Variants in SYNE1 observed in about 807,000 individuals in gnomAD.
SYNE1 encodes the protein spectrin repeat containing nuclear envelope protein 1.
Under a neutral mutation model 1,111.0 loss-of-function variants are expected in SYNE1, and 616 were observed. That is an observed-to-expected ratio of 0.55 (90% CI 0.52 to 0.59). The LOEUF (loss-of-function observed/expected upper bound fraction) is 0.59. Among genes scored for constraint, SYNE1 ranks in the 20% least tolerant of loss-of-function variants. The pLI, the probability that SYNE1 is intolerant of heterozygous loss-of-function variation, is 0.00. For missense variants in SYNE1, 10,006 were observed against 10,417.0 expected (o/e 0.96, Z 1.72); for synonymous variants, 3,855 against 3,825.8 (o/e 1.01, Z -0.28).
chr6:152,323,960 C>T (rs528659437), intron 81 of SYNE1, among the ~76,000 whole-genome samples: 2 of 152,020 alleles, frequency 1.3e-5, no homozygotes, highest in Admixed American at 1.3e-4. Context: ...AATATTAGGA[C>T]AATCAGAGAC....
intron 78 of SYNE1, among the ~76,000 whole-genome samples, chr6:152,327,397 C>T (rs1261169281): frequency 5.9e-5 from 9 of 151,914 alleles, no homozygotes; most frequent in African/African-American, 1.2e-4. Context: ...TTTCTGGAAG[C>T]GAAATAGTAA....
Position 152,331,595 on chromosome 6 carries a change from G to C in SYNE1, c.13090C>G (p.Gln4364Glu), listed in dbSNP as rs754220682. Reference protein sequence around the residue: ...QELMEWAEEQQPNIAEALKQS... With the variant: ...QELMEWAEEQEPNIAEALKQS... ...TTAAGGGCCTCGGCGATGTTGGGTTGTTGCTCTTCTGCCCACTCCATTAGC... is the reference window on the plus strand; with the variant it reads ...TTAAGGGCCTCGGCGATGTTGGGTTCTTGCTCTTCTGCCCACTCCATTAGC... Residue 4364 changes from glutamine to glutamate, a missense_variant, in exon 78 of 146, where the codon CAA (glutamine) becomes GAA (glutamate). Physicochemically the swap from Gln to Glu is conservative, Grantham distance 29 (BLOSUM62 2). Around this residue, in one of 7 missense-constraint regions of SYNE1, gnomAD observed 4,955 missense variants for 5,017.2 expected, o/e 0.99. Transcript: ENST00000367255. The C allele has an allele frequency of 6.2e-6, 10 of 1,614,160 alleles. No individual in the cohort carries two copies. Among genetic ancestry groups the C allele is most frequent in the Non-Finnish European group, 8.5e-6 (10 of 1,180,026 alleles).
At position 152,323,753 on chromosome 6, in the gene SYNE1, C is replaced by T. The variant is rs762269415; in HGVS notation, c.15658-16G>A. ...CCTTTTTAACCTGATGACAAATGTA[C>T]ATACTATGAAGTTCAATAATAAATA... is the stretch of plus-strand genomic sequence containing the variant. On this transcript the variant is annotated splice_polypyrimidine_tract_variant and intron_variant, in intron 81 of 145. Coordinates refer to ENST00000367255, the MANE Select transcript of SYNE1 (RefSeq NM_182961.4). 52 of 1,613,726 alleles carry T rather than the reference C, an allele frequency of 3.2e-5. No individual in the cohort carries two copies. Among genetic ancestry groups the T allele is most frequent in the Non-Finnish European group, 4.0e-5 (47 of 1,179,892 alleles).
intron 75 of SYNE1, 118 bp from the exon 76 acceptor site, chr6:152,337,135 G>C: frequency 1.1e-6 from 1 of 908,240 alleles, no homozygotes. Flanking sequence ...ACATACACAC[G>C]CAAACTCACA....
At chr6:152,424,681 A>G (rs1346688292) in intron 39 of SYNE1, among the ~76,000 whole-genome samples, 5 of 152,246 alleles carry the variant, frequency 3.3e-5, no homozygotes, top group Non-Finnish European at 4.4e-5. Context: ...TAAATAATAG[A>G]ATAAATATAA....
intron 3 of SYNE1, among the ~76,000 whole-genome samples, chr6:152,613,450 A>G (rs9371618): frequency 0.079 from 12,025 of 152,244 alleles, 803 homozygotes; most frequent in African/African-American, 0.17. Flanking sequence ...AAGGGATGTG[A>G]AGGACGTCTT....
intron 127 of SYNE1, among the ~76,000 whole-genome samples, chr6:152,195,379 A>C (rs1451971938): frequency 6.6e-6 from 1 of 152,192 alleles, no homozygotes; most frequent in Non-Finnish European, 1.5e-5. Flanking sequence ...TTCGTATTGA[A>C]GAATTAGGTA....
At chr6:152,373,893 C>T (rs2097232496) in intron 58 of SYNE1, among the ~76,000 whole-genome samples, 1 of 152,132 alleles carries the variant, frequency 6.6e-6, no homozygotes, top group Admixed American at 6.5e-5. Flanking sequence ...GATTTTGGCT[C>T]TGAGGATCCT....
intron 83 of SYNE1, 41 bp from the exon 84 acceptor site, chr6:152,321,431 TA>T: frequency 6.2e-7 from 1 of 1,608,952 alleles, no homozygotes; most frequent in East Asian, 2.2e-5. Flanking sequence ...GGGAACCTTC[TA>T]AGGGGACTGT....
intron 39 of SYNE1, among the ~76,000 whole-genome samples, chr6:152,421,516 A>T (rs1004696089): frequency 1.7e-4 from 26 of 151,928 alleles, no homozygotes; most frequent in South Asian, 1.5e-3. Flanking sequence ...ATTATGTTTT[A>T]AAAAAAACTA....
chr6:152,188,566 G>A (rs1460468228), intron 128 of SYNE1, among the ~76,000 whole-genome samples: 1 of 152,162 alleles, frequency 6.6e-6, no homozygotes, highest in Admixed American at 6.5e-5. Context: ...CACAGTATTA[G>A]CTAATGTTGC....
chr6:152,225,584 G>T, intron 116 of SYNE1, 137 bp downstream of exon 116: 1 of 1,003,806 alleles, frequency 1.0e-6, no homozygotes, highest in Non-Finnish European at 1.5e-6. Flanking sequence ...AGAGGATAAC[G>T]AAGTGGACTT....
chr6:152,207,084 G>A (rs1244990344), intron 125 of SYNE1, among the ~76,000 whole-genome samples: 2 of 152,164 alleles, frequency 1.3e-5, no homozygotes, highest in Non-Finnish European at 2.9e-5. Context: ...GCAAGAAATC[G>A]CGAGCACCTA....
intron 24 of SYNE1, 95 bp from the exon 25 acceptor site, chr6:152,453,815 G>T: frequency 2.0e-6 from 3 of 1,497,736 alleles, no homozygotes; most frequent in South Asian, 1.1e-5. Context: ...AAGCCTCTCA[G>T]CCAGCTGCTG....
chr6:152,624,698 T>C (rs1294381670), intron 3 of SYNE1, among the ~76,000 whole-genome samples: 2 of 152,230 alleles, frequency 1.3e-5, no homozygotes, highest in Non-Finnish European at 2.9e-5. Flanking sequence ...TGCATTGCAG[T>C]CTGACTGCTC....
chr6:152,481,587 G>T, intron 14 of SYNE1: 1 of 447,130 alleles, frequency 2.2e-6, no homozygotes, highest in Non-Finnish European at 4.5e-6. Context: ...TGCCAGTTAA[G>T]GTAAAAAAAT....
rs114423205 is a variant in SYNE1, at chr6:152,192,633, G to A, written c.23146-3226C>T. Among the ~76,000 whole-genome samples the A allele has an allele frequency of 6.3e-3, 959 of 151,844 alleles. 10 individuals are homozygous for A. Among genetic ancestry groups the A allele is most frequent in the African/African-American group, 0.022 (926 of 41,376 alleles). Reference sequence around the variant, plus strand: ...ACTACAGGAGCACATCACCATGTCCGACTAATTTTTTTGTATTTTTAGTAG... The same window carrying A: ...ACTACAGGAGCACATCACCATGTCCAACTAATTTTTTTGTATTTTTAGTAG... On this transcript the variant is annotated intron_variant, in intron 127 of 145. Transcript: ENST00000367255.
intron 129 of SYNE1, 69 bp from the exon 130 acceptor site, chr6:152,176,629 G>A: frequency 6.9e-7 from 1 of 1,455,968 alleles, no homozygotes; most frequent in Non-Finnish European, 9.6e-7. Context: ...AGCTCTACTA[G>A]AAACATGATG....
At chr6:152,363,233 G>A (rs1443614923) in intron 63 of SYNE1, among the ~76,000 whole-genome samples, 11 of 144,874 alleles carry the variant, frequency 7.6e-5, no homozygotes, top group East Asian at 2.3e-4. Flanking sequence ...GGTGACTCAC[G>A]CCTGTAATCC....
Sources: gnomAD v4.1 joint callset for allele counts (sites outside exome capture counted in the v4.1 genomes callset) on GRCh38, gnomAD v4.1.1 for gene constraint, gnomAD v4.1.1 regional missense constraint, MANE v1.5 for transcripts, NCBI Gene and HGNC (gene_info 2026-07-23, HGNC 2026-07-21) for gene names.